EDEM3: variants seen among roughly 807,000 people sequenced by gnomAD.
The protein encoded by EDEM3 is ER degradation enhancing alpha-mannosidase like protein 3.
A neutral mutation model predicts 110.2 loss-of-function variants in EDEM3; 60 were observed. The ratio of observed to expected loss-of-function variants is 0.54; its 90% CI spans 0.44 to 0.67. EDEM3 has a LOEUF of 0.67. EDEM3 is among the 30% of genes least tolerant of loss of function. The probability of loss-of-function intolerance (pLI) is 0.00; values close to 1 mark genes in which losing one functional copy is unlikely to be tolerated. For synonymous variants in EDEM3, 352 were observed against 382.9 expected (o/e 0.92, Z 0.94); for missense variants, 996 against 1,121.0 (o/e 0.89, Z 1.59).
At chr1:184,700,248 AGT>A (rs1030145147) in intron 19 of EDEM3, among the ~76,000 whole-genome samples, 16 of 152,064 alleles carry the variant, frequency 1.1e-4, no homozygotes, top group African/African-American at 3.9e-4. Flanking sequence ...AGAAGACAGG[AGT>A]GAAGGCTTTT....
intron 7 of EDEM3, among the ~76,000 whole-genome samples, chr1:184,725,125 T>C (rs1318609082): frequency 6.6e-6 from 1 of 152,248 alleles, no homozygotes; most frequent in Non-Finnish European, 1.5e-5. Flanking sequence ...ATTATATCAA[T>C]GCTTTGTCAA....
At position 184,754,741 on chromosome 1, in the gene EDEM3, A is replaced by G; in HGVS notation, c.-95T>C. On this transcript the variant is annotated 5_prime_UTR_variant, in exon 1 of 20. Transcript: ENST00000318130. ...CCAGGGGGCTGCTAGCCGTGCCGAG[A>G]CGGGGCGGGATGCGGAGTAACACGG... 7.0e-7 allele frequency: 1 copy of G among 1,418,732 alleles called. No homozygotes were observed. The highest frequency in any genetic ancestry group is 9.1e-7 in the Non-Finnish European group (1 of 1,093,380). The allele number at this position is 1,418,732 out of a possible 1,614,324, so 87.9% of individuals were successfully genotyped here. A position where few individuals can be genotyped will look rare whatever the true frequency, so the allele number is the denominator to read the frequency against.
At chr1:184,737,405 CAACT>C (rs773475110) in intron 3 of EDEM3, among the ~76,000 whole-genome samples, 14 of 152,112 alleles carry the variant, frequency 9.2e-5, no homozygotes, top group Non-Finnish European at 1.8e-4. Flanking sequence ...TGCAGCTTAA[CAACT>C]AACTTTTCTC....
intron 2 of EDEM3, among the ~76,000 whole-genome samples, chr1:184,743,201 G>T (rs1057305055): frequency 4.0e-5 from 6 of 151,824 alleles, no homozygotes; most frequent in Non-Finnish European, 7.4e-5. Context: ...TTTTTCTTTG[G>T]GTTAACCACA....
chr1:184,749,083 G>A (rs1267225439), intron 2 of EDEM3, among the ~76,000 whole-genome samples: 2 of 152,090 alleles, frequency 1.3e-5, no homozygotes, highest in African/African-American at 4.8e-5. Flanking sequence ...ATATGAATCA[G>A]CAAACTAAAA....
chr1:184,734,562 A>T lies in EDEM3; in HGVS notation c.427T>A (p.Ser143Thr). 6.5e-7 allele frequency: 1 copy of T among 1,541,760 alleles called. No homozygotes were observed. Among genetic ancestry groups the T allele is most frequent in the Non-Finnish European group, 8.8e-7 (1 of 1,141,088 alleles). ...DVNLDNDVVVSVFETNIRVLG... is the reference protein window; with the variant it reads ...DVNLDNDVVVTVFETNIRVLG... The stretch of plus-strand genomic sequence containing the variant: ...ACTCTGATGTTTGTTTCAAAGACTG[A>T]TACGACTACATCGTTATCTAAATTA... The change falls in exon 5 of 20, where the codon TCA (serine) becomes ACA (threonine). Residue 143 changes from serine to threonine, a missense_variant. Ser to Thr is a moderately conservative substitution (Grantham distance 58, BLOSUM62 1). Transcript: ENST00000318130.
At chr1:184,716,742 C>A in intron 13 of EDEM3, 146 bp downstream of exon 13, 1 of 1,166,768 alleles carries the variant, frequency 8.6e-7, no homozygotes, top group South Asian at 1.9e-5. Flanking sequence ...TTAGTGTATT[C>A]AACAGAGTTT....
rs1403867970 is a variant in EDEM3, at chr1:184,690,243, C to T, written c.*3820G>A. 2 of 152,114 alleles carry T rather than the reference C, an allele frequency of 1.3e-5. No individual in the cohort carries two copies. The highest frequency in any genetic ancestry group is 2.4e-5 in the African/African-American group (1 of 41,422). The allele number at this position is 152,114 out of a possible 1,614,324, so 9.4% of individuals were successfully genotyped here. A position where few individuals can be genotyped will look rare whatever the true frequency, so the allele number is the denominator to read the frequency against. On this transcript the variant is annotated 3_prime_UTR_variant, in exon 20 of 20. Coordinates refer to ENST00000318130, the MANE Select transcript of EDEM3 (RefSeq NM_025191.4). ...AGCAAGCGCTGGATCATAATTTATA[C>T]ACAATTCTAGAGTTTTATTCACTTA...
chr1:184,754,408 C>T (rs1360178428), intron 1 of EDEM3, 81 bp downstream of exon 1: 1 of 1,588,136 alleles, frequency 6.3e-7, no homozygotes, highest in South Asian at 1.1e-5. Flanking sequence ...GAGGCCACTA[C>T]GCGACCGGGT....
Position 184,721,465 on chromosome 1 carries a change from A to G in EDEM3, c.854-79T>C, listed in dbSNP as rs533550481. On this transcript the variant is annotated intron_variant, in intron 8 of 19. Transcript: ENST00000318130. ...TTTTTAAAAAAATAGCACTCCTTAGATTAGCATTAAATTAACATTGTGCAT... is the reference window on the plus strand; with the variant it reads ...TTTTTAAAAAAATAGCACTCCTTAGGTTAGCATTAAATTAACATTGTGCAT... 6.2e-5 allele frequency: 62 copies of G among 1,001,970 alleles called. No homozygotes were observed. In the South Asian group the frequency reaches 9.1e-4, roughly 15 times the overall value. The allele number at this position is 1,001,970 out of a possible 1,614,324, so 62.1% of individuals were successfully genotyped here.
chr1:184,694,518 G>C (rs374717864), intron 19 of EDEM3, 46 bp from the exon 20 acceptor site: 125 of 1,494,670 alleles, frequency 8.4e-5, no homozygotes, highest in Non-Finnish European at 2.1e-5. Context: ...CTAAAAAAAT[G>C]TACTATTACA....
rs79163668 is a variant in EDEM3, at chr1:184,693,766, C to A, written c.*297G>T. The A allele has an allele frequency of 1.6e-3, 413 of 258,988 alleles. 1 individual carries two copies. Among genetic ancestry groups the A allele is most frequent in the African/African-American group, 8.3e-3 (381 of 45,756 alleles). The allele number at this position is 258,988 out of a possible 1,614,324, so 16.0% of individuals were successfully genotyped here. On this transcript the variant is annotated 3_prime_UTR_variant, in exon 20 of 20. Transcript: ENST00000318130. ...TTGTCTATCCAGAGACAACAGAAAT[C>A]TGGTTCGCAGGAATGCTCAGTAATC...
rs765435034 is a variant in EDEM3 at position 184,694,431 on chromosome 1, C to A, written c.2431G>T (p.Asp811Tyr). 2.6e-5 allele frequency: 42 copies of A among 1,608,268 alleles called. No individual in the cohort carries two copies. The South Asian group carries it at 2.6e-4, about 10-fold the overall frequency. ...TGTTCACCACTCTGATTCTGAGAAT[C>A]ATTTTCAGAGGATGGTTGTTCTTCA... The part of the protein sequence containing the change: ...ENEEQPSSEN[D>Y]SQNQSGEQIS... The change falls in exon 20 of 20, where the codon GAT (aspartate) becomes TAT (tyrosine). Residue 811 changes from aspartate to tyrosine, a missense_variant. Asp to Tyr is a radical substitution (Grantham distance 160). This residue lies in a region of EDEM3 where 345 missense variants were observed against 402.0 expected (regional missense o/e 0.86). Coordinates refer to ENST00000318130, the MANE Select transcript of EDEM3 (RefSeq NM_025191.4).
rs1439147936 is a variant in EDEM3 at position 184,690,892 on chromosome 1, C to T, written c.*3171G>A. 2.0e-5 allele frequency: 3 copies of T among 152,244 alleles called. No individual in the cohort carries two copies. Among genetic ancestry groups the T allele is most frequent in the Admixed American group, 2.0e-4 (3 of 15,256 alleles). 9.4% of individuals were successfully genotyped at this position (152,244 alleles called of 1,614,324 possible). A position where few individuals can be genotyped will look rare whatever the true frequency, so the allele number is the denominator to read the frequency against. ...TTCTACCCCCCTCTAAAATTATAAGCAGTATTTGAATTACTTATGCTGAGC... is the reference window on the plus strand; with the variant it reads ...TTCTACCCCCCTCTAAAATTATAAGTAGTATTTGAATTACTTATGCTGAGC... On this transcript the variant is annotated 3_prime_UTR_variant, in exon 20 of 20. Transcript: ENST00000318130.
At chr1:184,709,809 G>T (rs899061244) in intron 16 of EDEM3, among the ~76,000 whole-genome samples, 5 of 152,124 alleles carry the variant, frequency 3.3e-5, no homozygotes, top group African/African-American at 1.2e-4. Context: ...CCTGAATATG[G>T]TTCTAGGTTA....
At chr1:184,754,251 A>G (rs1264121435) in intron 1 of EDEM3, among the ~76,000 whole-genome samples, 1 of 152,184 alleles carries the variant, frequency 6.6e-6, no homozygotes, top group African/African-American at 2.4e-5. Flanking sequence ...CCTGGCTTCA[A>G]GGAGCCTGCA....
At chr1:184,723,707 T>A in intron 8 of EDEM3, 44 bp downstream of exon 8, 1 of 1,387,366 alleles carries the variant, frequency 7.2e-7, no homozygotes, top group African/African-American at 1.4e-5. Context: ...TCCCAACCAT[T>A]TTGAGGATGC....
Position 184,721,276 on chromosome 1 carries a change from T to G in EDEM3, c.951+13A>C. 6.3e-7 allele frequency: 1 copy of G among 1,576,338 alleles called. No individual in the cohort carries two copies. Among genetic ancestry groups the G allele is most frequent in the Non-Finnish European group, 8.6e-7 (1 of 1,158,384 alleles). On this transcript the variant is annotated intron_variant, in intron 9 of 19. Coordinates refer to ENST00000318130, the MANE Select transcript of EDEM3 (RefSeq NM_025191.4). Reference sequence around the variant, plus strand: ...TGAAGTTGATTATAAAATATAAAATTGTATCAACTTACTGTGTTAAATCTT... The same window carrying G: ...TGAAGTTGATTATAAAATATAAAATGGTATCAACTTACTGTGTTAAATCTT...
At chr1:184,708,871 T>A (rs1222713706) in intron 16 of EDEM3, among the ~76,000 whole-genome samples, 1 of 152,036 alleles carries the variant, frequency 6.6e-6, no homozygotes, top group Non-Finnish European at 1.5e-5. Flanking sequence ...AGTGGGAAAG[T>A]GGAAAAGGAG....
Sources: gnomAD v4.1 joint callset for allele counts (sites outside exome capture counted in the v4.1 genomes callset) on GRCh38, gnomAD v4.1.1 for gene constraint, gnomAD v4.1.1 regional missense constraint, MANE v1.5 for transcripts, NCBI Gene and HGNC (gene_info 2026-07-23, HGNC 2026-07-21) for gene names.